CDH4: variants seen among roughly 807,000 people sequenced by gnomAD.
CDH4 encodes the protein cadherin 4, also known as cadherin-4.
In CDH4, 33 loss-of-function variants were observed where a neutral mutation model predicts 86.0. That is an observed-to-expected ratio of 0.38 (90% CI 0.29 to 0.51). The LOEUF is 0.51. Among genes scored for constraint, CDH4 ranks in the 20% least tolerant of loss-of-function variants. CDH4 has a pLI of 0.86. For synonymous variants in CDH4, 555 were observed against 549.4 expected (o/e 1.01, Z -0.14); for missense variants, 1,114 against 1,307.4 (o/e 0.85, Z 2.28).
chr20:61,485,081 T>C (rs1241953030), intron 2 of CDH4, among the ~76,000 whole-genome samples: 1 of 152,188 alleles, frequency 6.6e-6, no homozygotes, highest in Non-Finnish European at 1.5e-5. Flanking sequence ...TTTCGTGAAA[T>C]GAATTGGCAT....
At position 61,754,451 on chromosome 20, in the gene CDH4, C is replaced by T. The variant is rs115137867; in HGVS notation, c.396+10662C>T. ...CGGCAGCCCCCAGGTCCCTCTGCTG[C>T]TACCCAGGCCCTTCCACTGCCCCTG... On this transcript the variant is annotated intron_variant, in intron 3 of 15. Coordinates refer to ENST00000614565, the MANE Select transcript of CDH4 (RefSeq NM_001794.5). This position sits in a 1 kb window ranked among gnomAD's most constrained non-coding sequence, Gnocchi z 4.7. 6.2e-3 allele frequency among the ~76,000 whole-genome samples: 943 copies of T among 152,284 alleles called. 10 individuals are homozygous for T. Among genetic ancestry groups the T allele is most frequent in the African/African-American group, 0.022 (897 of 41,540 alleles).
At chr20:61,816,418 A>G (rs767065706) in intron 4 of CDH4, among the ~76,000 whole-genome samples, 1 of 152,196 alleles carries the variant, frequency 6.6e-6, no homozygotes, top group African/African-American at 2.4e-5. Flanking sequence ...CTTAAACACC[A>G]AACTTATTTT....
chr20:61,746,017 C>T (rs2088410153), intron 3 of CDH4, among the ~76,000 whole-genome samples: 1 of 152,200 alleles, frequency 6.6e-6, no homozygotes, highest in Admixed American at 6.5e-5. Flanking sequence ...AGGAAGCACC[C>T]AACCAGCGGA....
chr20:61,317,205 C>T (rs957664293), intron 2 of CDH4, among the ~76,000 whole-genome samples: 15 of 152,036 alleles, frequency 9.9e-5, no homozygotes, highest in Non-Finnish European at 1.2e-4. Context: ...GGTGAAACCC[C>T]GTCTCTACTA....
chr20:61,364,958 A>T (rs898514632), intron 2 of CDH4, among the ~76,000 whole-genome samples: 1 of 152,132 alleles, frequency 6.6e-6, no homozygotes, highest in Non-Finnish European at 1.5e-5. Flanking sequence ...TGTTTTAAGG[A>T]GCCCCCAGGG....
chr20:61,799,696 T>C (rs1236405195), intron 4 of CDH4, among the ~76,000 whole-genome samples: 1 of 152,082 alleles, frequency 6.6e-6, no homozygotes, highest in Non-Finnish European at 1.5e-5. Context: ...CCCAGGGAGC[T>C]CCTCTCCATC....
chr20:61,873,717 C>A lies in CDH4; in HGVS notation c.878-11C>A. On this transcript the variant is annotated splice_polypyrimidine_tract_variant and intron_variant, in intron 6 of 15. Coordinates refer to ENST00000614565, the MANE Select transcript of CDH4 (RefSeq NM_001794.5). ...AGGCCATCCCCATCTGAGCTGCTGT[C>A]TCCGTTCCAGGCACCTACGTGATGA... is the stretch of plus-strand genomic sequence containing the variant. 1 of 1,610,620 alleles carries A rather than the reference C, an allele frequency of 6.2e-7. No homozygotes were observed. Among genetic ancestry groups the A allele is most frequent in the Non-Finnish European group, 8.5e-7 (1 of 1,179,018 alleles).
chr20:61,639,641 C>A (rs1285432884), intron 2 of CDH4, among the ~76,000 whole-genome samples: 1 of 152,206 alleles, frequency 6.6e-6, no homozygotes, highest in African/African-American at 2.4e-5. Flanking sequence ...CTTGCCTGCA[C>A]ACGGGCCCTG....
chr20:61,895,888 T>G (rs1392413131), intron 8 of CDH4, among the ~76,000 whole-genome samples: 1 of 152,168 alleles, frequency 6.6e-6, no homozygotes, highest in Non-Finnish European at 1.5e-5. Flanking sequence ...GCTGACATCA[T>G]GGGCACGTGG....
In CDH4 at chr20:61,934,128, C is replaced by T. The variant is rs1462281378; in HGVS notation, c.2452C>T (p.Arg818Cys). 1.9e-6 allele frequency: 3 copies of T among 1,611,248 alleles called. No homozygotes were observed. The highest frequency in any genetic ancestry group is 2.5e-6 in the Non-Finnish European group (3 of 1,179,428). Residue 818 changes from arginine to cysteine, a missense_variant, in exon 15 of 16, where the codon CGC becomes TGC. This residue lies in a region of CDH4 where 188 missense variants were observed against 183.8 expected (regional missense o/e 1.02). Coordinates refer to ENST00000614565, the MANE Select transcript of CDH4 (RefSeq NM_001794.5). ...GCCAAGCAAAGCCCCTGGCGTGCGT[C>T]GCGTGGATGAGCGGCCGGTGGGCGC... ...HVPSKAPGVR[R>C]VDERPVGAEP...
intron 2 of CDH4, among the ~76,000 whole-genome samples, chr20:61,396,465 C>T (rs1431422734): frequency 2.0e-5 from 3 of 152,170 alleles, no homozygotes; most frequent in Non-Finnish European, 4.4e-5. Context: ...TCTCAAATTG[C>T]GTTCTGCGCA....
chr20:61,283,928 C>T (rs945272807), intron 2 of CDH4, among the ~76,000 whole-genome samples: 8 of 152,280 alleles, frequency 5.3e-5, no homozygotes, highest in African/African-American at 9.6e-5. Context: ...TTCCTTTGGA[C>T]GTGCTTCCCA....
intron 2 of CDH4, among the ~76,000 whole-genome samples, chr20:61,707,647 G>A (rs1330855622): frequency 6.6e-6 from 1 of 152,170 alleles, no homozygotes; most frequent in Non-Finnish European, 1.5e-5. Flanking sequence ...TTGGCACCAG[G>A]GACCACGTTT....
At chr20:61,652,386 C>T (rs1399393542) in intron 2 of CDH4, among the ~76,000 whole-genome samples, 1 of 152,196 alleles carries the variant, frequency 6.6e-6, no homozygotes, top group Non-Finnish European at 1.5e-5. Context: ...TAACCATGCA[C>T]ACCTGCTGTT....
intron 2 of CDH4, among the ~76,000 whole-genome samples, chr20:61,536,255 C>T (rs982863461): frequency 7.2e-5 from 11 of 152,158 alleles, no homozygotes; most frequent in African/African-American, 2.4e-4. Context: ...TCCCCTCCTG[C>T]CCCCCGAACC....
intron 2 of CDH4, among the ~76,000 whole-genome samples, chr20:61,590,885 G>C (rs866948424): frequency 2.6e-5 from 4 of 151,524 alleles, no homozygotes; most frequent in African/African-American, 7.3e-5. Flanking sequence ...ATGGGGGGGG[G>C]GGTCCCCGGG....
intron 2 of CDH4, among the ~76,000 whole-genome samples, chr20:61,538,940 G>A (rs1299294516): frequency 6.6e-6 from 1 of 152,208 alleles, no homozygotes. Context: ...CTTCCTGCCT[G>A]ATGCCAGGTA....
intron 2 of CDH4, among the ~76,000 whole-genome samples, chr20:61,372,754 A>C (rs1298376782): frequency 6.6e-6 from 1 of 152,182 alleles, no homozygotes; most frequent in African/African-American, 2.4e-5. Context: ...ATGAGGAGCA[A>C]AGCCTCCCAG....
chr20:61,412,201 C>A lies in CDH4; in HGVS notation c.169+157264C>A, dbSNP rs568189043. 2.0e-5 allele frequency among the ~76,000 whole-genome samples: 3 copies of A among 152,286 alleles called. No individual in the cohort carries two copies. In the East Asian group the frequency reaches 5.8e-4, roughly 29 times the overall value. ...CTTCAGTCTAGTCTGTGCTAACAGA[C>A]CAAAGTGAACTTCAGCAAACACTCT... is the stretch of plus-strand genomic sequence containing the variant. On this transcript the variant is annotated intron_variant, in intron 2 of 15. Coordinates refer to ENST00000614565, the MANE Select transcript of CDH4 (RefSeq NM_001794.5).
Sources: gnomAD v4.1 joint callset for allele counts (sites outside exome capture counted in the v4.1 genomes callset) on GRCh38, gnomAD v4.1.1 for gene constraint, gnomAD v4.1.1 regional missense constraint, Gnocchi (gnomAD v3.1) non-coding constraint, MANE v1.5 for transcripts, NCBI Gene and HGNC (gene_info 2026-07-23, HGNC 2026-07-21) for gene names.